The following NRG1 variants were observed in gnomAD, a reference collection of about 807,000 sequenced individuals.
NRG1 encodes neuregulin 1.
Under a neutral mutation model 63.8 loss-of-function variants are expected in NRG1, and 18 were observed. The observed-to-expected ratio is 0.28, with a 90% CI of 0.19 to 0.42. The LOEUF (loss-of-function observed/expected upper bound fraction) is 0.42. Among genes scored for constraint, NRG1 ranks in the 10% least tolerant of loss-of-function variants. The pLI is 1.00. For synonymous variants in NRG1, 302 were observed against 301.3 expected (o/e 1.00, Z -0.02); for missense variants, 762 against 814.7 (o/e 0.94, Z 0.79).
chr8:32,265,746 G>A (rs1046478882), intron 1 of NRG1, among the ~76,000 whole-genome samples: 2 of 152,056 alleles, frequency 1.3e-5, no homozygotes, highest in Non-Finnish European at 2.9e-5. Context: ...GGGAGGCTGA[G>A]ATGGGAGGAT....
Position 31,844,483 on chromosome 8 carries a change from T to C in NRG1, c.37+205052T>C, listed in dbSNP as rs148535359. On this transcript the variant is annotated intron_variant, in intron 1 of 10. Coordinates refer to the NRG1 transcript ENST00000519301. ...ATGGAACTCAAATGGGAAATGATGA[T>C]GGTGGATTTTCCTGCTGAAAAGATG... Among the ~76,000 whole-genome samples the C allele has an allele frequency of 3.8e-3, 578 of 152,292 alleles. 9 individuals carry two copies. The highest frequency in any genetic ancestry group is 0.013 in the African/African-American group (549 of 41,568).
chr8:32,394,578 G>T (rs752961371), intron 1 of NRG1, among the ~76,000 whole-genome samples: 2 of 152,020 alleles, frequency 1.3e-5, no homozygotes, highest in Non-Finnish European at 2.9e-5. Context: ...GGAATTTGGG[G>T]GTGTTTTCAC....
At chr8:32,650,910 G>A (rs1854968770) in intron 5 of NRG1, among the ~76,000 whole-genome samples, 1 of 151,958 alleles carries the variant, frequency 6.6e-6, no homozygotes, top group Admixed American at 6.6e-5. Flanking sequence ...TATGCACAGA[G>A]CTGTAGCCTT....
intron 1 of NRG1, among the ~76,000 whole-genome samples, chr8:32,338,185 A>G (rs1205492336): frequency 6.6e-6 from 1 of 152,140 alleles, no homozygotes; most frequent in African/African-American, 2.4e-5. Flanking sequence ...TATGGAGGAG[A>G]GGATATGGAG....
At chr8:31,701,883 G>T (rs1413129807) in intron 1 of NRG1, among the ~76,000 whole-genome samples, 1 of 152,192 alleles carries the variant, frequency 6.6e-6, no homozygotes, top group Non-Finnish European at 1.5e-5. Context: ...TTCAGTAGTG[G>T]TCAGGCAGTG....
chr8:31,660,602 G>T (rs912834184), intron 1 of NRG1, among the ~76,000 whole-genome samples: 56 of 152,298 alleles, frequency 3.7e-4, no homozygotes, highest in African/African-American at 1.3e-3. Context: ...CAAAACTCCG[G>T]CTCACCAGCC....
chr8:31,644,148 AT>A (rs1486798220), intron 1 of NRG1, among the ~76,000 whole-genome samples: 1 of 152,214 alleles, frequency 6.6e-6, no homozygotes, highest in African/African-American at 2.4e-5. Flanking sequence ...ACTATTCTTA[AT>A]AAAAGCTATA....
intron 7 of NRG1, among the ~76,000 whole-genome samples, chr8:32,746,698 G>A (rs1173668211): frequency 6.6e-6 from 1 of 152,086 alleles, no homozygotes; most frequent in Non-Finnish European, 1.5e-5. Flanking sequence ...ATTGTTTACA[G>A]TAAACTTTGT....
At chr8:32,177,814 T>A (rs1840966124) in intron 1 of NRG1, among the ~76,000 whole-genome samples, 1 of 152,052 alleles carries the variant, frequency 6.6e-6, no homozygotes, top group Non-Finnish European at 1.5e-5. Context: ...TCCTTATACA[T>A]CTCTTTCTGC....
intron 1 of NRG1, among the ~76,000 whole-genome samples, chr8:31,823,117 C>CTTTTTTTTTTTT (rs147209584): frequency 1.3e-5 from 1 of 77,964 alleles, no homozygotes; most frequent in Non-Finnish European, 2.4e-5. Context: ...TGTCCTTGTT[C>CTTTTTTTTTTTT]TTTTTTTTTT....
At chr8:31,892,452 G>C (rs1016694871) in intron 1 of NRG1, among the ~76,000 whole-genome samples, 3 of 151,990 alleles carry the variant, frequency 2.0e-5, no homozygotes, top group African/African-American at 7.2e-5. Context: ...CAGATAAATT[G>C]GTATCTGTGT....
intron 1 of NRG1, among the ~76,000 whole-genome samples, chr8:32,035,167 A>G (rs1818844404): frequency 6.6e-6 from 1 of 151,960 alleles, no homozygotes; most frequent in African/African-American, 2.4e-5. Context: ...ACTCATTTCA[A>G]AGAACTTCTT....
chr8:32,615,883 G>GA (rs11407198), intron 4 of NRG1, among the ~76,000 whole-genome samples: 74,285 of 151,270 alleles, frequency 0.49, 18,518 homozygotes, highest in Middle Eastern at 0.53. Context: ...GAGAAAAAAA[G>GA]AAAAAAAATC....
chr8:32,429,772 T>C (rs1817899756), intron 1 of NRG1, among the ~76,000 whole-genome samples: 1 of 152,182 alleles, frequency 6.6e-6, no homozygotes, highest in Admixed American at 6.6e-5. Flanking sequence ...TGGTTTACCA[T>C]CCATCCACTT....
chr8:32,501,014 C>T (rs1211334066), intron 1 of NRG1, among the ~76,000 whole-genome samples: 2 of 152,208 alleles, frequency 1.3e-5, no homozygotes, highest in Non-Finnish European at 2.9e-5. Flanking sequence ...GAAGCCTGTA[C>T]TCCAGAGTAC....
chr8:31,952,214 A>G (rs1484253598), intron 1 of NRG1, among the ~76,000 whole-genome samples: 3 of 152,244 alleles, frequency 2.0e-5, no homozygotes, highest in Non-Finnish European at 4.4e-5. Context: ...AGCGCCTACT[A>G]GAAACCAAGT....
chr8:32,203,819 C>T (rs1413380651), intron 1 of NRG1, among the ~76,000 whole-genome samples: 1 of 152,002 alleles, frequency 6.6e-6, no homozygotes, highest in Admixed American at 6.6e-5. Context: ...ACCTGCAATC[C>T]CCATCAGAAT....
intron 1 of NRG1, among the ~76,000 whole-genome samples, chr8:32,091,334 C>T (rs1359226291): frequency 6.6e-6 from 1 of 151,718 alleles, no homozygotes; most frequent in Admixed American, 6.6e-5. Flanking sequence ...CCTACAACCT[C>T]TCAGTGCTAA....
At chr8:32,628,580 G>C (rs1849708160) in intron 5 of NRG1, among the ~76,000 whole-genome samples, 2 of 151,880 alleles carry the variant, frequency 1.3e-5, no homozygotes, top group Non-Finnish European at 2.9e-5. Context: ...ATACCTAAGA[G>C]GTTTATTAAG....
Sources: gnomAD v4.1 joint callset for allele counts (sites outside exome capture counted in the v4.1 genomes callset) on GRCh38, gnomAD v4.1.1 for gene constraint, MANE v1.5 for transcripts, NCBI Gene and HGNC (gene_info 2026-07-23, HGNC 2026-07-21) for gene names.